Variants in MB21D2 observed in about 807,000 individuals in gnomAD.
The protein encoded by MB21D2 is nucleotidyltransferase MB21D2.
A neutral mutation model predicts 33.3 loss-of-function variants in MB21D2; 9 were observed. That is an observed-to-expected ratio of 0.27 (90% CI 0.16 to 0.47). The LOEUF is 0.47. MB21D2 is among the 20% of genes least tolerant of loss of function. The pLI, the probability that MB21D2 is intolerant of heterozygous loss-of-function variation, is 0.99. For synonymous variants in MB21D2, 241 were observed against 236.3 expected, an observed-to-expected ratio of 1.02 and a Z score of -0.18; for missense variants, 540 against 624.6, an observed-to-expected ratio of 0.86 and a Z score of 1.44.
Position 192,797,106 on chromosome 3 carries a change from G to A in MB21D2, c.*1280C>T, listed in dbSNP as rs1296637387. On this transcript the variant is annotated 3_prime_UTR_variant, in exon 2 of 2. Coordinates refer to ENST00000392452, the MANE Select transcript of MB21D2 (RefSeq NM_178496.4). ...TGCCATGAGTCCACACCAAAACAGG[G>A]AGCCAATACCTTCCAGCACCTAATC... is the stretch of plus-strand genomic sequence containing the variant. 6.6e-6 allele frequency: 1 copy of A among 152,550 alleles called. No individual in the cohort carries two copies. The highest frequency in any genetic ancestry group is 1.5e-5 in the Non-Finnish European group (1 of 68,052). 9.4% of individuals were successfully genotyped at this position (152,550 alleles called of 1,614,324 possible).
intron 1 of MB21D2, among the ~76,000 whole-genome samples, chr3:192,882,776 C>T (rs926789163): frequency 5.9e-5 from 9 of 151,742 alleles, no homozygotes; most frequent in Non-Finnish European, 1.3e-4. Flanking sequence ...CTTTTGTCAC[C>T]CAGGATGGAG....
chr3:192,870,842 G>A (rs1311613198), intron 1 of MB21D2, among the ~76,000 whole-genome samples: 2 of 151,884 alleles, frequency 1.3e-5, no homozygotes, highest in African/African-American at 4.8e-5. Context: ...TATCTCTTAA[G>A]GCCAAAATAT....
At chr3:192,891,828 A>T (rs924115749) in intron 1 of MB21D2, among the ~76,000 whole-genome samples, 8 of 152,114 alleles carry the variant, frequency 5.3e-5, no homozygotes, top group African/African-American at 1.9e-4. Flanking sequence ...GGTGATGGGA[A>T]GCCCTTCCCA....
rs1220711926 is a variant in MB21D2, at chr3:192,917,459, G to C, written c.211+171C>G. 6.6e-6 allele frequency among the ~76,000 whole-genome samples: 1 copy of C among 152,174 alleles called. No homozygotes were observed. ...TAAGGAGGGGAGGGCAGGCAGCTCG[G>C]CTTTCGGCGGAGAAAGAAGAGAGAG... is the stretch of plus-strand genomic sequence containing the variant. On this transcript the variant is annotated intron_variant, in intron 1 of 1. Coordinates refer to ENST00000392452, the MANE Select transcript of MB21D2 (RefSeq NM_178496.4).
intron 1 of MB21D2, among the ~76,000 whole-genome samples, chr3:192,823,127 T>G (rs1217925392): frequency 6.6e-6 from 1 of 152,228 alleles, no homozygotes; most frequent in Non-Finnish European, 1.5e-5. Context: ...CACATCTAAA[T>G]TATTTTCACA....
rs200343643 is a variant in MB21D2, at chr3:192,869,187, CAG to C, written c.211+48441_211+48442del. On this transcript the variant is annotated intron_variant, in intron 1 of 1. Coordinates refer to ENST00000392452, the MANE Select transcript of MB21D2 (RefSeq NM_178496.4). ...AGAAGAATTGCTTGAGCCCGGGAGG[CAG>C]AGACTGCAGTGAGCCAAGATGGAGC... is the stretch of plus-strand genomic sequence containing the variant. Among the ~76,000 whole-genome samples, 139 of 150,598 alleles carry C rather than the reference CAG, an allele frequency of 9.2e-4. 3 individuals carry two copies. The East Asian group carries it at 0.024, about 26-fold the overall frequency.
At chr3:192,822,637 C>G (rs950152940) in intron 1 of MB21D2, among the ~76,000 whole-genome samples, 1 of 152,196 alleles carries the variant, frequency 6.6e-6, no homozygotes, top group African/African-American at 2.4e-5. Context: ...TGGCCATGGT[C>G]AGGTCACTGT....
At chr3:192,882,791 A>G (rs1227639218) in intron 1 of MB21D2, among the ~76,000 whole-genome samples, 1 of 151,542 alleles carries the variant, frequency 6.6e-6, no homozygotes, top group Non-Finnish European at 1.5e-5. Context: ...ATGGAGTGCA[A>G]TGGCACGATC....
At chr3:192,836,892 T>C (rs1397145211) in intron 1 of MB21D2, among the ~76,000 whole-genome samples, 1 of 152,100 alleles carries the variant, frequency 6.6e-6, no homozygotes, top group African/African-American at 2.4e-5. Flanking sequence ...TCAGAAGAGG[T>C]ACTCCAACAG....
At chr3:192,893,502 T>C (rs1713899025) in intron 1 of MB21D2, among the ~76,000 whole-genome samples, 1 of 152,170 alleles carries the variant, frequency 6.6e-6, no homozygotes, top group Non-Finnish European at 1.5e-5. Flanking sequence ...AGGAGGTGAT[T>C]AGCTGAAGAT....
intron 1 of MB21D2, among the ~76,000 whole-genome samples, chr3:192,884,376 G>A (rs907878370): frequency 2.0e-5 from 3 of 151,658 alleles, no homozygotes; most frequent in Non-Finnish European, 2.9e-5. Flanking sequence ...CTTTTTTGTT[G>A]TTGTTGTTGA....
intron 1 of MB21D2, among the ~76,000 whole-genome samples, chr3:192,819,714 G>C (rs559061587): frequency 2.6e-5 from 4 of 152,308 alleles, no homozygotes; most frequent in Middle Eastern, 3.4e-3. Context: ...GACCACTGCT[G>C]GAGTGGTCCC....
At chr3:192,912,746 T>G (rs568253714) in intron 1 of MB21D2, among the ~76,000 whole-genome samples, 2 of 152,260 alleles carry the variant, frequency 1.3e-5, no homozygotes, top group South Asian at 4.1e-4. Flanking sequence ...GAGTATAGTA[T>G]GTCTCACCCA....
intron 1 of MB21D2, among the ~76,000 whole-genome samples, chr3:192,902,868 G>C (rs558197247): frequency 6.6e-6 from 1 of 152,294 alleles, no homozygotes; most frequent in Non-Finnish European, 1.5e-5. Context: ...ACAGATATTA[G>C]TTGTTCAGAG....
At position 192,857,586 on chromosome 3, in the gene MB21D2, G is replaced by A. The variant is rs1270377640; in HGVS notation, c.212-57936C>T. Among the ~76,000 whole-genome samples the A allele has an allele frequency of 2.0e-5, 3 of 152,108 alleles. No individual in the cohort carries two copies. The East Asian group carries it at 5.8e-4, about 29-fold the overall frequency. ...CTTCTGGACCCAGTTCCTGCCATAA[G>A]CGTGACTACTCCACGTGTACATAAT... is the stretch of plus-strand genomic sequence containing the variant. On this transcript the variant is annotated intron_variant, in intron 1 of 1. Coordinates refer to ENST00000392452, the MANE Select transcript of MB21D2 (RefSeq NM_178496.4).
intron 1 of MB21D2, among the ~76,000 whole-genome samples, chr3:192,913,832 A>T (rs1288375454): frequency 6.6e-6 from 1 of 152,084 alleles, no homozygotes; most frequent in Non-Finnish European, 1.5e-5. Context: ...ATCCTGTCTC[A>T]AAAAAAGAGA....
chr3:192,909,965 AAAG>A (rs1714307832), intron 1 of MB21D2, among the ~76,000 whole-genome samples: 6 of 127,630 alleles, frequency 4.7e-5, no homozygotes, highest in Non-Finnish European at 1.0e-4. Flanking sequence ...AAAAAAAAAG[AAAG>A]AGAGAGAGAG....
At chr3:192,869,099 T>C (rs1186993442) in intron 1 of MB21D2, among the ~76,000 whole-genome samples, 1 of 151,826 alleles carries the variant, frequency 6.6e-6, no homozygotes, top group Admixed American at 6.6e-5. Flanking sequence ...TTACTAAAAA[T>C]ACAAAAATTA....
chr3:192,871,071 A>G (rs1353744313), intron 1 of MB21D2, among the ~76,000 whole-genome samples: 1 of 152,242 alleles, frequency 6.6e-6, no homozygotes, highest in Non-Finnish European at 1.5e-5. Context: ...TTAAAAGGCC[A>G]TCAATGGGGA....
Sources: allele counts gnomAD v4.1 joint callset (sites outside exome capture counted in the v4.1 genomes callset), GRCh38; gene constraint gnomAD v4.1.1; transcripts MANE v1.5; gene names NCBI Gene and HGNC (gene_info 2026-07-23, HGNC 2026-07-21).